Variants in SPATS2 observed in about 807,000 individuals in gnomAD.
SPATS2 encodes the protein spermatogenesis-associated serine-rich protein 2.
SPATS2 carries 38 observed loss-of-function variants against 63.7 expected under a neutral mutation model. The observed-to-expected ratio is 0.60, with a 90% CI of 0.46 to 0.78. The LOEUF is 0.78. SPATS2 is among the 30% of genes least tolerant of loss of function. The pLI, the probability that SPATS2 is intolerant of heterozygous loss-of-function variation, is 0.00. For synonymous variants in SPATS2, 207 were observed against 232.9 expected (o/e 0.89, Z 1.01); for missense variants, 588 against 666.2 (o/e 0.88, Z 1.29).
At chr12:49,472,762 A>AG (rs1592433467) in intron 3 of SPATS2, among the ~76,000 whole-genome samples, 1 of 151,434 alleles carries the variant, frequency 6.6e-6, no homozygotes, top group East Asian at 1.9e-4. Context: ...TAACAGGGCC[A>AG]GGCGTGGTGT....
chr12:49,467,670 C>G (rs1234071252), intron 3 of SPATS2, among the ~76,000 whole-genome samples: 2 of 152,046 alleles, frequency 1.3e-5, no homozygotes, highest in African/African-American at 4.8e-5. Flanking sequence ...CTTTTTGCAT[C>G]TCTCTCTCTG....
At chr12:49,459,821 T>C (rs1395101347) in intron 2 of SPATS2, among the ~76,000 whole-genome samples, 1 of 126,372 alleles carries the variant, frequency 7.9e-6, no homozygotes, top group Non-Finnish European at 1.6e-5. Flanking sequence ...AATTCTAGGC[T>C]CACACCTGTA....
intron 9 of SPATS2, among the ~76,000 whole-genome samples, chr12:49,512,695 T>C (rs1242696477): frequency 6.6e-6 from 1 of 152,226 alleles, no homozygotes; most frequent in African/African-American, 2.4e-5. Context: ...ACTTGTTTGC[T>C]GTAGTCTTTT....
At chr12:49,380,167 CTTTT>C (rs1307437668) in intron 2 of SPATS2, among the ~76,000 whole-genome samples, 2 of 136,520 alleles carry the variant, frequency 1.5e-5, no homozygotes, top group Admixed American at 7.4e-5. Context: ...TCCTCTCTCT[CTTTT>C]TTTTTTTTTT....
intron 2 of SPATS2, among the ~76,000 whole-genome samples, chr12:49,453,856 C>CTTT (rs869155580): frequency 0.013 from 1,022 of 76,186 alleles, 32 homozygotes; most frequent in African/African-American, 0.017. Flanking sequence ...AAATAGCATT[C>CTTT]TTTTTTTTTT....
intron 2 of SPATS2, among the ~76,000 whole-genome samples, chr12:49,439,212 G>A (rs1340266557): frequency 1.3e-5 from 2 of 152,148 alleles, no homozygotes; most frequent in African/African-American, 4.8e-5. Flanking sequence ...CTTGCTTGAG[G>A]CATGGCAGGT....
chr12:49,479,505 A>G (rs571880976), intron 3 of SPATS2, among the ~76,000 whole-genome samples: 1 of 152,218 alleles, frequency 6.6e-6, no homozygotes, highest in South Asian at 2.1e-4. Flanking sequence ...GTGTGCAGCT[A>G]TGGTTTGGAC....
chr12:49,459,297 C>A (rs1177452774), intron 2 of SPATS2, among the ~76,000 whole-genome samples: 1 of 151,826 alleles, frequency 6.6e-6, no homozygotes, highest in Non-Finnish European at 1.5e-5. Flanking sequence ...GTGTGCCTGC[C>A]CACCAGACAC....
chr12:49,492,258 C>T (rs570827547), intron 6 of SPATS2, among the ~76,000 whole-genome samples: 20 of 148,884 alleles, frequency 1.3e-4, no homozygotes, highest in East Asian at 9.8e-4. Context: ...TTTGCTCTGT[C>T]GCCCAGGCTG....
At chr12:49,436,334 C>T (rs1390703041) in intron 2 of SPATS2, among the ~76,000 whole-genome samples, 1 of 146,508 alleles carries the variant, frequency 6.8e-6, no homozygotes, top group Non-Finnish European at 1.5e-5. Context: ...CCTCACTTCG[C>T]AGTAGGGGCG....
intron 2 of SPATS2, among the ~76,000 whole-genome samples, chr12:49,375,582 G>A (rs1944085939): frequency 6.6e-6 from 1 of 152,114 alleles, no homozygotes; most frequent in South Asian, 2.1e-4. Flanking sequence ...TGACTCTTCT[G>A]CTTACCTTGT....
At position 49,484,681 on chromosome 12, in the gene SPATS2, C is replaced by A; in HGVS notation, c.105+12C>A. 1.2e-6 allele frequency: 2 copies of A among 1,612,470 alleles called. No homozygotes were observed. The highest frequency in any genetic ancestry group is 1.1e-5 in the South Asian group (1 of 90,942). ...ACATGAAAGAGAAGGTAAGACTAGT[C>A]ACTATGGATAGTAAACTTAAATGTC... On this transcript the variant is annotated intron_variant, in intron 4 of 13. Coordinates refer to ENST00000552918, the MANE Select transcript of SPATS2 (RefSeq NM_023071.4).
intron 3 of SPATS2, among the ~76,000 whole-genome samples, chr12:49,483,894 C>G (rs112676183): frequency 0.015 from 2,308 of 152,244 alleles, 56 homozygotes; most frequent in African/African-American, 0.052. Context: ...CTAACCATTT[C>G]CTGAGATTTT....
intron 2 of SPATS2, among the ~76,000 whole-genome samples, chr12:49,411,340 A>G (rs893745394): frequency 6.6e-6 from 1 of 152,222 alleles, no homozygotes; most frequent in East Asian, 1.9e-4. Context: ...TGGACTTCCA[A>G]GCCTCCATAA....
At chr12:49,488,119 A>G (rs995597883) in intron 4 of SPATS2, among the ~76,000 whole-genome samples, 1 of 151,400 alleles carries the variant, frequency 6.6e-6, no homozygotes, top group Non-Finnish European at 1.5e-5. Context: ...ATCTCGACTC[A>G]CTGCAACCTC....
At chr12:49,484,053 TTGAAC>T (rs1478613328) in intron 3 of SPATS2, among the ~76,000 whole-genome samples, 2 of 152,216 alleles carry the variant, frequency 1.3e-5, no homozygotes, top group Non-Finnish European at 2.9e-5. Context: ...ATCAATCATA[TTGAAC>T]TGTTTTTCCA....
At chr12:49,516,525 G>A (rs1391414853) in intron 10 of SPATS2, among the ~76,000 whole-genome samples, 2 of 151,614 alleles carry the variant, frequency 1.3e-5, no homozygotes, top group Non-Finnish European at 2.9e-5. Context: ...GGCCAACATG[G>A]TGAAACCCTG....
intron 3 of SPATS2, among the ~76,000 whole-genome samples, chr12:49,466,665 T>G (rs1203195950): frequency 2.0e-5 from 3 of 152,218 alleles, no homozygotes; most frequent in African/African-American, 4.8e-5. Flanking sequence ...ATGTCTGTCT[T>G]TATGCTAGTA....
At chr12:49,392,285 G>A (rs968804078) in intron 2 of SPATS2, among the ~76,000 whole-genome samples, 1 of 151,504 alleles carries the variant, frequency 6.6e-6, no homozygotes, top group Non-Finnish European at 1.5e-5. Context: ...TTATGTCTGA[G>A]GTATGTACTG....
Sources: gnomAD v4.1 joint callset for allele counts (sites outside exome capture counted in the v4.1 genomes callset) on GRCh38, gnomAD v4.1.1 for gene constraint, MANE v1.5 for transcripts, NCBI Gene and HGNC (gene_info 2026-07-23, HGNC 2026-07-21) for gene names.